The following DOCK9 variants were observed in gnomAD, a reference collection of about 807,000 sequenced individuals.
The protein encoded by DOCK9 is dedicator of cytokinesis 9, also known as dedicator of cytokinesis protein 9.
DOCK9 carries 89 observed loss-of-function variants against 263.3 expected under a neutral mutation model. That is an observed-to-expected ratio of 0.34 (90% CI 0.28 to 0.40). DOCK9 has a LOEUF of 0.40. Among genes scored for constraint, DOCK9 ranks in the 10% least tolerant of loss-of-function variants. The pLI is 1.00. For missense variants in DOCK9, 2,140 were observed against 2,603.4 expected (o/e 0.82, Z 3.87); for synonymous variants, 976 against 973.1 (o/e 1.00, Z -0.06).
chr13:98,952,161 G>A (rs1331014654), intron 2 of DOCK9, among the ~76,000 whole-genome samples: 1 of 152,018 alleles, frequency 6.6e-6, no homozygotes, highest in Non-Finnish European at 1.5e-5. Flanking sequence ...GACTCCCAAT[G>A]TGCTGGGATT....
chr13:98,995,387 G>A (rs189029193), intron 1 of DOCK9, among the ~76,000 whole-genome samples: 111 of 151,782 alleles, frequency 7.3e-4, no homozygotes, highest in African/African-American at 2.3e-3. Flanking sequence ...CTAGCAACAC[G>A]ATTACTAGTT....
chr13:98,856,784 G>A (rs1468575683), intron 33 of DOCK9: 1 of 152,144 alleles, frequency 6.6e-6, no homozygotes, highest in Non-Finnish European at 1.5e-5. Context: ...TAGGATGTAA[G>A]TACTTATTAA....
At position 98,885,703 on chromosome 13, in the gene DOCK9, C is replaced by A. The variant is rs772230928; in HGVS notation, c.2260+5G>T. 6.2e-7 allele frequency: 1 copy of A among 1,608,394 alleles called. No homozygotes were observed. Among genetic ancestry groups the A allele is most frequent in the Non-Finnish European group, 8.5e-7 (1 of 1,178,368 alleles). ...AAAATCAAAGGAATGGTAAGCCCCC[C>A]CAACCTTGGGTTTCAACGACATCCC... is the stretch of plus-strand genomic sequence containing the variant. On this transcript the variant is annotated splice_donor_5th_base_variant and intron_variant, in intron 20 of 52. Coordinates refer to ENST00000682017, the MANE Select transcript of DOCK9 (RefSeq NM_001366683.2).
intron 13 of DOCK9, among the ~76,000 whole-genome samples, chr13:98,900,218 A>G (rs2139401343): frequency 6.6e-6 from 1 of 152,340 alleles, no homozygotes; most frequent in East Asian, 1.9e-4. Flanking sequence ...GACATGGAGG[A>G]GTGTGCAGAG....
chr13:98,911,463 A>G (rs1208067484), intron 9 of DOCK9, among the ~76,000 whole-genome samples: 13 of 152,244 alleles, frequency 8.5e-5, no homozygotes, highest in African/African-American at 2.4e-4. Context: ...AAATAAATAT[A>G]CATAATAGCA....
intron 1 of DOCK9, among the ~76,000 whole-genome samples, chr13:99,050,808 A>G (rs2040657247): frequency 6.6e-6 from 1 of 152,314 alleles, no homozygotes; most frequent in East Asian, 1.9e-4. Flanking sequence ...AGCCCACTTT[A>G]ATGTGTCGTT....
chr13:99,008,234 A>ATATATATATTT (rs1233268084), intron 1 of DOCK9, among the ~76,000 whole-genome samples: 8 of 94,086 alleles, frequency 8.5e-5, no homozygotes, highest in African/African-American at 2.6e-4. Flanking sequence ...ATATATATAT[A>ATATATATATTT]TTTTTTTTTT....
At chr13:98,892,787 C>T (rs546224985) in intron 15 of DOCK9, among the ~76,000 whole-genome samples, 78 of 152,222 alleles carry the variant, frequency 5.1e-4, no homozygotes, top group Non-Finnish European at 9.1e-4. Context: ...CTAGATCTAT[C>T]GAGAGGGAAC....
At chr13:98,953,824 C>T (rs540619952) in intron 2 of DOCK9, among the ~76,000 whole-genome samples, 1 of 152,314 alleles carries the variant, frequency 6.6e-6, no homozygotes, top group East Asian at 1.9e-4. Flanking sequence ...TTGGCATGAC[C>T]TCAACCCATT....
chr13:98,854,654 G>C (rs1252213479), intron 34 of DOCK9: 1 of 152,106 alleles, frequency 6.6e-6, no homozygotes, highest in Non-Finnish European at 1.5e-5. Context: ...CAGTGACCCG[G>C]TTTTTCCTGG....
chr13:98,901,092 G>A (rs1163285010), intron 13 of DOCK9, among the ~76,000 whole-genome samples: 1 of 152,148 alleles, frequency 6.6e-6, no homozygotes, highest in Admixed American at 6.5e-5. Flanking sequence ...GCAGTCAAGT[G>A]CCCCCTGGCA....
chr13:99,057,670 T>C (rs1448506620), intron 1 of DOCK9, among the ~76,000 whole-genome samples: 20 of 152,228 alleles, frequency 1.3e-4, no homozygotes, highest in Non-Finnish European at 2.9e-5. Context: ...ATTATAAATT[T>C]ACAAGTGGAA....
intron 39 of DOCK9, 69 bp from the exon 40 acceptor site, chr13:98,831,855 G>T: frequency 8.4e-6 from 13 of 1,544,308 alleles, no homozygotes; most frequent in Middle Eastern, 1.7e-4. Flanking sequence ...ACAATTTCAG[G>T]CTCAAGAATT....
chr13:98,876,034 C>A (rs1319259019), intron 27 of DOCK9, among the ~76,000 whole-genome samples: 4 of 152,192 alleles, frequency 2.6e-5, no homozygotes, highest in Non-Finnish European at 5.9e-5. Flanking sequence ...CCAAGAATGA[C>A]ATAAATTGTA....
chr13:98,985,149 C>A (rs1342818591), intron 1 of DOCK9, among the ~76,000 whole-genome samples: 1 of 152,076 alleles, frequency 6.6e-6, no homozygotes, highest in Non-Finnish European at 1.5e-5. Flanking sequence ...CAGCAGGGGG[C>A]AGTCCCTAAA....
At chr13:98,887,143 A>ATATATATATATATATATATTTTT (rs1470080750) in intron 18 of DOCK9, among the ~76,000 whole-genome samples, 1 of 95,290 alleles carries the variant, frequency 1.0e-5, no homozygotes, top group Non-Finnish European at 2.0e-5. Context: ...ATATATATAT[A>ATATATATATATATATATATTTTT]TTTTTTTTTT....
intron 1 of DOCK9, among the ~76,000 whole-genome samples, chr13:99,029,809 T>C (rs892203868): frequency 6.6e-6 from 1 of 152,140 alleles, no homozygotes; most frequent in East Asian, 1.9e-4. Flanking sequence ...TGAAAACACA[T>C]GTCCACACAA....
chr13:98,825,955 A>G lies in DOCK9; in HGVS notation c.5023+875T>C. 6.6e-7 allele frequency: 1 copy of G among 1,522,950 alleles called. No individual in the cohort carries two copies. Among genetic ancestry groups the G allele is most frequent in the Non-Finnish European group, 8.8e-7 (1 of 1,131,722 alleles). The allele number at this position is 1,522,950 out of a possible 1,614,324, so 94.3% of individuals were successfully genotyped here. A position where few individuals can be genotyped will look rare whatever the true frequency, so the allele number is the denominator to read the frequency against. On this transcript the variant is annotated intron_variant, in intron 44 of 52. Transcript: ENST00000682017. The surrounding 1 kb of genome is among the most constrained non-coding windows in gnomAD (Gnocchi z 4.1). ...CTGGACTGCTTCTAAACATGAGGAA[A>G]TGCATCACCTGATAAAAGGTCTCAA...
intron 47 of DOCK9, among the ~76,000 whole-genome samples, 151 bp from the exon 48 acceptor site, chr13:98,807,958 T>C (rs1228854389): frequency 3.9e-5 from 6 of 152,176 alleles, no homozygotes; most frequent in East Asian, 1.9e-4. Context: ...AAAATGCTAA[T>C]AACATGAAGT....
Sources: gnomAD v4.1 joint callset for allele counts (sites outside exome capture counted in the v4.1 genomes callset) on GRCh38, gnomAD v4.1.1 for gene constraint, Gnocchi (gnomAD v3.1) non-coding constraint, MANE v1.5 for transcripts, NCBI Gene and HGNC (gene_info 2026-07-23, HGNC 2026-07-21) for gene names.